Variants in FGD4 observed in about 807,000 individuals in gnomAD.
FGD4 encodes the protein FYVE, RhoGEF and PH domain containing 4.
Under a neutral mutation model 102.0 loss-of-function variants are expected in FGD4, and 42 were observed. That is an observed-to-expected ratio of 0.41 (90% CI 0.32 to 0.53). FGD4 has a LOEUF of 0.53. FGD4 is among the 20% of genes least tolerant of loss of function. FGD4 has a pLI of 0.21. For missense variants in FGD4, 902 were observed against 1,078.2 expected, an observed-to-expected ratio of 0.84 and a Z score of 2.29; for synonymous variants, 380 against 375.7, an observed-to-expected ratio of 1.01 and a Z score of -0.13.
At chr12:32,473,524 TCC>T (rs1289303476) in intron 1 of FGD4, among the ~76,000 whole-genome samples, 1 of 151,048 alleles carries the variant, frequency 6.6e-6, no homozygotes, top group Non-Finnish European at 1.5e-5. Context: ...AGGAAGAAAC[TCC>T]GAACACATCT....
At chr12:32,408,759 C>T (rs1941065423) in intron 1 of FGD4, among the ~76,000 whole-genome samples, 2 of 152,202 alleles carry the variant, frequency 1.3e-5, no homozygotes, top group Non-Finnish European at 2.9e-5. Context: ...TCCCAAATAG[C>T]ATTCAGCACC....
intron 1 of FGD4, among the ~76,000 whole-genome samples, chr12:32,473,628 A>G (rs1272994737): frequency 6.6e-6 from 1 of 152,170 alleles, no homozygotes; most frequent in Non-Finnish European, 1.5e-5. Flanking sequence ...AAGTCAGACC[A>G]AGAACCCACC....
intron 1 of FGD4, among the ~76,000 whole-genome samples, chr12:32,403,208 C>T (rs1940764323): frequency 6.6e-6 from 1 of 152,038 alleles, no homozygotes; most frequent in African/African-American, 2.4e-5. Flanking sequence ...GGTTATAAAC[C>T]CTGCTGTTTT....
At chr12:32,608,968 G>C (rs1023971509) in intron 8 of FGD4, among the ~76,000 whole-genome samples, 1 of 152,150 alleles carries the variant, frequency 6.6e-6, no homozygotes, top group African/African-American at 2.4e-5. Context: ...CCAGGCTGGA[G>C]TGCAGTGGCG....
chr12:32,536,742 A>G (rs1344041683), intron 1 of FGD4, among the ~76,000 whole-genome samples: 1 of 152,216 alleles, frequency 6.6e-6, no homozygotes, highest in East Asian at 1.9e-4. Flanking sequence ...TGGTCATTCT[A>G]CATGGTGGTT....
intron 1 of FGD4, among the ~76,000 whole-genome samples, chr12:32,432,392 G>A (rs1424717082): frequency 6.6e-6 from 1 of 151,460 alleles, no homozygotes; most frequent in Non-Finnish European, 1.5e-5. Context: ...GAGGCGGGTG[G>A]ATCACTTGAG....
intron 2 of FGD4, among the ~76,000 whole-genome samples, chr12:32,565,829 A>G (rs1399840265): frequency 6.6e-6 from 1 of 152,176 alleles, no homozygotes; most frequent in Non-Finnish European, 1.5e-5. Context: ...ATGTATATAT[A>G]CTTTTCTAAC....
intron 1 of FGD4, among the ~76,000 whole-genome samples, chr12:32,519,119 GAAAAAAAAAAAA>G (rs751377618): frequency 1.4e-5 from 1 of 73,428 alleles, no homozygotes; most frequent in African/African-American, 5.1e-5. Flanking sequence ...TCCGTCTCAG[GAAAAAAAAAAAA>G]AAAAAAAAAA....
chr12:32,451,251 A>C (rs1942766262), intron 1 of FGD4, among the ~76,000 whole-genome samples: 1 of 152,212 alleles, frequency 6.6e-6, no homozygotes, highest in South Asian at 2.1e-4. Context: ...ATTGATTCTC[A>C]TATCAATGGT....
chr12:32,622,316 T>C (rs1949892595), intron 11 of FGD4, among the ~76,000 whole-genome samples: 1 of 152,162 alleles, frequency 6.6e-6, no homozygotes, highest in African/African-American at 2.4e-5. Flanking sequence ...ATTTCTCAGG[T>C]TTCTTAGTTT....
chr12:32,581,754 T>G (rs1946634093), intron 3 of FGD4, among the ~76,000 whole-genome samples: 1 of 152,176 alleles, frequency 6.6e-6, no homozygotes, highest in Non-Finnish European at 1.5e-5. Context: ...GGGGTCATCT[T>G]CTTTATTTAA....
At chr12:32,410,675 C>T (rs7963401) in intron 1 of FGD4, among the ~76,000 whole-genome samples, 71,824 of 151,730 alleles carry the variant, frequency 0.47, 18,435 homozygotes, top group African/African-American at 0.67. Flanking sequence ...CTGTGCCCGT[C>T]GCACATGCAC....
At position 32,644,473 on chromosome 12, in the gene FGD4, G is replaced by A. The variant is rs549337235; in HGVS notation, c.*3940G>A. The A allele has an allele frequency of 5.9e-5, 9 of 152,038 alleles. No homozygotes were observed. Among genetic ancestry groups the A allele is most frequent in the South Asian group, 2.1e-4 (1 of 4,828 alleles). The allele number at this position is 152,038 out of a possible 1,614,324, so 9.4% of individuals were successfully genotyped here. A position where few individuals can be genotyped will look rare whatever the true frequency, so the allele number is the denominator to read the frequency against. On this transcript the variant is annotated 3_prime_UTR_variant, in exon 17 of 17. Transcript: ENST00000534526. ...TCCATAGAAATGAACTTTTTCTATC[G>A]AAATTGTTTAACTTAAATATTTTAA...
At chr12:32,586,015 T>G (rs1947002383) in intron 4 of FGD4, among the ~76,000 whole-genome samples, 1 of 151,828 alleles carries the variant, frequency 6.6e-6, no homozygotes, top group Non-Finnish European at 1.5e-5. Flanking sequence ...GTGTGAGCAA[T>G]GAGTAGAGGC....
chr12:32,639,444 G>A (rs546903631), intron 16 of FGD4, among the ~76,000 whole-genome samples: 16 of 152,290 alleles, frequency 1.1e-4, no homozygotes, highest in South Asian at 4.1e-4. Flanking sequence ...TAATACAGGC[G>A]TGAGCCACTG....
At chr12:32,423,122 C>T (rs1278552256) in intron 1 of FGD4, among the ~76,000 whole-genome samples, 1 of 152,070 alleles carries the variant, frequency 6.6e-6, no homozygotes, top group Admixed American at 6.6e-5. Flanking sequence ...ATCATTTCCT[C>T]CTGATATTCT....
At chr12:32,540,670 A>G (rs1365486958) in intron 1 of FGD4, among the ~76,000 whole-genome samples, 1 of 151,756 alleles carries the variant, frequency 6.6e-6, no homozygotes, top group Non-Finnish European at 1.5e-5. Context: ...GGTTCAAGCA[A>G]TTCTCCTGCC....
At chr12:32,504,496 A>G (rs997374420) in intron 1 of FGD4, among the ~76,000 whole-genome samples, 3 of 152,228 alleles carry the variant, frequency 2.0e-5, no homozygotes, top group African/African-American at 7.2e-5. Flanking sequence ...CGTGTCCACT[A>G]TGAAGCAATG....
intron 16 of FGD4, among the ~76,000 whole-genome samples, chr12:32,639,964 A>C (rs918038817): frequency 3.9e-5 from 6 of 152,196 alleles, no homozygotes; most frequent in African/African-American, 1.4e-4. Flanking sequence ...GGTTTAATAC[A>C]GTATGATGGC....
Sources: allele counts gnomAD v4.1 joint callset (sites outside exome capture counted in the v4.1 genomes callset), GRCh38; gene constraint gnomAD v4.1.1; transcripts MANE v1.5; gene names NCBI Gene and HGNC (gene_info 2026-07-23, HGNC 2026-07-21).